The following CFAP299 variants were observed in gnomAD, a reference collection of about 807,000 sequenced individuals.
CFAP299 encodes the protein cilia- and flagella-associated protein 299.
A neutral mutation model predicts 27.0 loss-of-function variants in CFAP299; 21 were observed. The observed-to-expected ratio is 0.78, with a 90% CI of 0.55 to 1.12. CFAP299 has a LOEUF of 1.12. Ranked by LOEUF, CFAP299 falls within the 50% of genes most tolerant of loss-of-function variation. The pLI is 0.00. For synonymous variants in CFAP299, 104 were observed against 98.1 expected, an observed-to-expected ratio of 1.06 and a Z score of -0.36; for missense variants, 310 against 276.6, an observed-to-expected ratio of 1.12 and a Z score of -0.86.
At chr4:80,736,044 T>C (rs931079562) in intron 3 of CFAP299, among the ~76,000 whole-genome samples, 3 of 152,136 alleles carry the variant, frequency 2.0e-5, no homozygotes, top group African/African-American at 7.2e-5. Flanking sequence ...CTGTTCACTC[T>C]GGTGGTAGTT....
intron 2 of CFAP299, among the ~76,000 whole-genome samples, chr4:80,498,020 T>C (rs1301906513): frequency 6.6e-6 from 1 of 151,976 alleles, no homozygotes; most frequent in Non-Finnish European, 1.5e-5. Flanking sequence ...AAGATTCCCA[T>C]TCAGTAAACG....
chr4:80,578,716 A>G (rs1390602230), intron 2 of CFAP299, among the ~76,000 whole-genome samples: 1 of 152,194 alleles, frequency 6.6e-6, no homozygotes, highest in Non-Finnish European at 1.5e-5. Context: ...GCATGAAATC[A>G]AGGTTCAGAA....
chr4:80,951,657 G>A (rs1737785850), intron 5 of CFAP299, among the ~76,000 whole-genome samples: 1 of 152,114 alleles, frequency 6.6e-6, no homozygotes, highest in South Asian at 2.1e-4. Flanking sequence ...TCTATGGTGA[G>A]TCCCAGCAAA....
intron 4 of CFAP299, among the ~76,000 whole-genome samples, chr4:80,920,359 T>A (rs1422816420): frequency 1.3e-5 from 2 of 151,694 alleles, no homozygotes; most frequent in Admixed American, 6.6e-5. Context: ...AGGGATGGGG[T>A]CAGGTAGGGC....
At chr4:80,865,116 T>A (rs555932995) in intron 3 of CFAP299, among the ~76,000 whole-genome samples, 1 of 152,190 alleles carries the variant, frequency 6.6e-6, no homozygotes, top group South Asian at 2.1e-4. Context: ...TGCTTTCATC[T>A]CCCACATTTA....
At chr4:80,856,520 G>A (rs993176067) in intron 3 of CFAP299, among the ~76,000 whole-genome samples, 1 of 151,780 alleles carries the variant, frequency 6.6e-6, no homozygotes, top group African/African-American at 2.4e-5. Context: ...TTTCTTCTAG[G>A]GTTTTTATGG....
Position 80,755,140 on chromosome 4 carries a change from G to A in CFAP299, c.334-114853G>A, listed in dbSNP as rs75021916. On this transcript the variant is annotated intron_variant, in intron 3 of 5. Coordinates refer to ENST00000358105, the MANE Select transcript of CFAP299 (RefSeq NM_152770.3). ...CAAAGAGGGAAGTGGTGGATATAAGGCAGTGGTGTTATTTCCCTATTATTT... is the reference window on the plus strand; with the variant it reads ...CAAAGAGGGAAGTGGTGGATATAAGACAGTGGTGTTATTTCCCTATTATTT... Among the ~76,000 whole-genome samples the A allele has an allele frequency of 1.1e-4, 17 of 152,096 alleles. No individual in the cohort carries two copies. The East Asian group carries it at 3.3e-3, about 29-fold the overall frequency.
chr4:80,454,892 C>G (rs978575586), intron 2 of CFAP299, among the ~76,000 whole-genome samples: 9 of 152,012 alleles, frequency 5.9e-5, no homozygotes, highest in Admixed American at 2.6e-4. Flanking sequence ...GGAGTGTTGA[C>G]TGGTCCGGTT....
At chr4:80,788,134 A>C (rs561241106) in intron 3 of CFAP299, among the ~76,000 whole-genome samples, 19 of 152,164 alleles carry the variant, frequency 1.2e-4, no homozygotes, top group African/African-American at 4.6e-4. Flanking sequence ...ACACTTTGAG[A>C]ATCATTTTTA....
At chr4:80,636,614 G>A (rs1417077109) in intron 3 of CFAP299, among the ~76,000 whole-genome samples, 3 of 152,156 alleles carry the variant, frequency 2.0e-5, no homozygotes. Context: ...GTAGAAAAGT[G>A]TTCTAAATCA....
At chr4:80,785,127 GC>G (rs1316661883) in intron 3 of CFAP299, among the ~76,000 whole-genome samples, 1 of 147,452 alleles carries the variant, frequency 6.8e-6, no homozygotes, top group Non-Finnish European at 1.5e-5. Context: ...ATGTCAAGGA[GC>G]TCTTCCTCTA....
chr4:80,750,595 G>T (rs889495991), intron 3 of CFAP299, among the ~76,000 whole-genome samples: 3 of 152,082 alleles, frequency 2.0e-5, no homozygotes, highest in Non-Finnish European at 2.9e-5. Flanking sequence ...TATCAACTTG[G>T]CTTGAAACCA....
At chr4:80,927,328 G>C (rs1280539543) in intron 4 of CFAP299, among the ~76,000 whole-genome samples, 1 of 151,906 alleles carries the variant, frequency 6.6e-6, no homozygotes, top group Non-Finnish European at 1.5e-5. Context: ...TAAATTCTGA[G>C]CCTCTGGTCC....
intron 2 of CFAP299, among the ~76,000 whole-genome samples, chr4:80,570,667 A>G (rs1735540221): frequency 6.6e-6 from 1 of 152,116 alleles, no homozygotes; most frequent in Non-Finnish European, 1.5e-5. Flanking sequence ...TGGATCAACA[A>G]TTTTGGAAAC....
chr4:80,335,226 GTTTC>G (rs946282661), upstream of CFAP299, among the ~76,000 whole-genome samples: 2 of 152,154 alleles, frequency 1.3e-5, no homozygotes, highest in Admixed American at 1.3e-4. Context: ...TTTTGACTGA[GTTTC>G]TTTCCTTTGG....
chr4:80,816,189 G>T, intron 3 of CFAP299, among the ~76,000 whole-genome samples: 1 of 152,146 alleles, frequency 6.6e-6, no homozygotes, highest in South Asian at 2.1e-4. Flanking sequence ...TATAAAATAT[G>T]TGCAAATATT....
At chr4:80,868,930 T>TGC (rs1473599110) in intron 3 of CFAP299, among the ~76,000 whole-genome samples, 3 of 151,466 alleles carry the variant, frequency 2.0e-5, no homozygotes, top group Non-Finnish European at 4.4e-5. Flanking sequence ...TGTGTGTGTG[T>TGC]GTGTGTGTGT....
chr4:80,869,017 G>T (rs557980308), intron 3 of CFAP299, among the ~76,000 whole-genome samples: 1 of 151,494 alleles, frequency 6.6e-6, no homozygotes, highest in South Asian at 2.1e-4. Flanking sequence ...CTTTAGGAAT[G>T]AATATGAAAT....
intron 3 of CFAP299, among the ~76,000 whole-genome samples, chr4:80,735,508 C>T (rs1326094464): frequency 2.0e-5 from 3 of 152,050 alleles, no homozygotes; most frequent in East Asian, 1.9e-4. Flanking sequence ...GCATCCTTGT[C>T]GTGTTCCATT....
Sources: allele counts gnomAD v4.1 joint callset (sites outside exome capture counted in the v4.1 genomes callset), GRCh38; gene constraint gnomAD v4.1.1; transcripts MANE v1.5; gene names NCBI Gene and HGNC (gene_info 2026-07-23, HGNC 2026-07-21).